Variants in PATJ observed in about 807,000 individuals in gnomAD.
PATJ encodes the protein PATJ crumbs cell polarity complex component.
In PATJ, 190 loss-of-function variants were observed where a neutral mutation model predicts 224.9. The ratio of observed to expected loss-of-function variants is 0.84; its 90% CI spans 0.75 to 0.95. The LOEUF (loss-of-function observed/expected upper bound fraction) is 0.95, where lower values mean the gene tolerates loss of function less well. PATJ is among the 40% of genes least tolerant of loss of function. PATJ has a pLI of 0.00. For missense variants in PATJ, 2,121 were observed against 2,270.3 expected (o/e 0.93, Z 1.34); for synonymous variants, 769 against 820.3 (o/e 0.94, Z 1.07).
intron 11 of PATJ, among the ~76,000 whole-genome samples, chr1:61,799,951 C>CTA (rs758142452): frequency 3.2e-4 from 48 of 151,894 alleles, no homozygotes; most frequent in Middle Eastern, 3.4e-3. Flanking sequence ...CTTTTTATGC[C>CTA]TATATATATA....
intron 27 of PATJ, among the ~76,000 whole-genome samples, chr1:61,954,701 T>A (rs572354551): frequency 3.9e-5 from 6 of 152,286 alleles, no homozygotes; most frequent in Non-Finnish European, 8.8e-5. Context: ...TATGTATTTT[T>A]TAAACAATTT....
intron 9 of PATJ, among the ~76,000 whole-genome samples, chr1:61,795,066 G>A (rs1650770088): frequency 6.9e-6 from 1 of 144,192 alleles, no homozygotes; most frequent in Admixed American, 7.1e-5. Flanking sequence ...AATATAGGCA[G>A]GAAGACCTAG....
chr1:61,833,042 T>C (rs1202397434), intron 16 of PATJ, among the ~76,000 whole-genome samples: 2 of 152,218 alleles, frequency 1.3e-5, no homozygotes, highest in African/African-American at 4.8e-5. Context: ...CTATTTCTTC[T>C]AAGATCAGAT....
In PATJ at chr1:61,894,265, A is replaced by ACAAAAC. The variant is rs1553194649; in HGVS notation, c.3132-5318_3132-5317insCAAAAC. On this transcript the variant is annotated intron_variant, in intron 22 of 43. Coordinates refer to ENST00000642238, the MANE Select transcript of PATJ (RefSeq NM_001350145.3). ...GCGAAACTCTATCTCATAAAAAAAA[A>ACAAAAC]AAAACACAAAAAAAAAACAGAGAAT... Among the ~76,000 whole-genome samples the ACAAAAC allele has an allele frequency of 4.6e-4, 61 of 131,360 alleles. No homozygotes were observed. In the East Asian group the frequency reaches 0.01, roughly 22 times the overall value. 86.2% of individuals were successfully genotyped at this position (131,360 alleles called of 152,430 possible).
chr1:61,991,406 A>T (rs1319134903), intron 28 of PATJ: 2 of 695,378 alleles, frequency 2.9e-6, no homozygotes, highest in African/African-American at 3.9e-5. Flanking sequence ...GAGCTAAATC[A>T]TGGAGACACT....
chr1:61,963,256 G>A lies in PATJ; in HGVS notation c.3671-26912G>A, dbSNP rs1571534100. On this transcript the variant is annotated intron_variant, in intron 27 of 43. Transcript: ENST00000642238. ...AGTTAGGCACGTATTTTGTATATGT[G>A]TTATATATATTCTTACAATAAAGTA... Among the ~76,000 whole-genome samples the A allele has an allele frequency of 2.0e-5, 3 of 152,258 alleles. No individual in the cohort carries two copies. The South Asian group carries it at 6.2e-4, about 32-fold the overall frequency.
intron 30 of PATJ, among the ~76,000 whole-genome samples, chr1:62,045,125 G>A (rs934203429): frequency 1.3e-5 from 2 of 152,112 alleles, no homozygotes; most frequent in African/African-American, 2.4e-5. Context: ...GGAGGCTGAG[G>A]CTGGAGAATC....
intron 1 of PATJ, among the ~76,000 whole-genome samples, chr1:61,759,552 G>A (rs1645844540): frequency 6.6e-6 from 1 of 151,900 alleles, no homozygotes; most frequent in Non-Finnish European, 1.5e-5. Context: ...TGGGATTATA[G>A]GCGTCTGCCA....
rs1644984485 is a variant in PATJ, at chr1:61,990,208, G to A, written c.3711G>A (p.Leu1237=). Residue 1237 remains leucine (L), a synonymous_variant, in exon 28 of 44, where the codon CTG becomes CTA. Coordinates refer to ENST00000642238, the MANE Select transcript of PATJ (RefSeq NM_001350145.3). ...GATATGCAGATCTGCCTGGAGAACTGCACATTATTGAACTTGAAAAAGATA... is the reference window on the plus strand; with the variant it reads ...GATATGCAGATCTGCCTGGAGAACTACACATTATTGAACTTGAAAAAGATA... ...RQRYADLPGE[L]HIIELEKDKN... The A allele has an allele frequency of 1.2e-6, 2 of 1,612,456 alleles. No homozygotes were observed. Among genetic ancestry groups the A allele is most frequent in the African/African-American group, 1.3e-5 (1 of 74,856 alleles).
intron 43 of PATJ, among the ~76,000 whole-genome samples, chr1:62,159,931 G>T (rs1445053776): frequency 6.6e-6 from 1 of 152,116 alleles, no homozygotes; most frequent in East Asian, 1.9e-4. Flanking sequence ...CAGCACCTCA[G>T]GACCTCCAAG....
intron 30 of PATJ, among the ~76,000 whole-genome samples, chr1:62,048,437 T>C (rs1455447884): frequency 1.3e-5 from 2 of 149,362 alleles, no homozygotes; most frequent in African/African-American, 2.5e-5. Flanking sequence ...TCCCAGCTAC[T>C]CGGGAGGCTG....
At chr1:61,931,650 C>T (rs916739955) in intron 27 of PATJ, among the ~76,000 whole-genome samples, 22 of 152,110 alleles carry the variant, frequency 1.4e-4, no homozygotes, top group African/African-American at 5.3e-4. Context: ...TATAGTCCCA[C>T]CCACTTGGAA....
At chr1:62,028,388 C>A (rs1264040687) in intron 29 of PATJ, among the ~76,000 whole-genome samples, 1 of 152,136 alleles carries the variant, frequency 6.6e-6, no homozygotes, top group East Asian at 1.9e-4. Context: ...AGACTTCATT[C>A]TTTTACATGT....
At chr1:61,765,454 G>A (rs1025973365) in intron 3 of PATJ, among the ~76,000 whole-genome samples, 8 of 151,668 alleles carry the variant, frequency 5.3e-5, no homozygotes, top group Admixed American at 2.0e-4. Flanking sequence ...TGCAATCTCG[G>A]CTCACTGTAG....
intron 29 of PATJ, among the ~76,000 whole-genome samples, chr1:62,037,276 A>G (rs1402269484): frequency 6.6e-6 from 1 of 152,182 alleles, no homozygotes; most frequent in African/African-American, 2.4e-5. Context: ...ATTATCTCCC[A>G]CAGACCACTG....
At chr1:62,005,175 A>G (rs1240367130) in intron 28 of PATJ, among the ~76,000 whole-genome samples, 2 of 151,134 alleles carry the variant, frequency 1.3e-5, no homozygotes, top group African/African-American at 4.9e-5. Flanking sequence ...TTCACCTGTC[A>G]CCCAGGTTGG....
chr1:61,819,487 G>A (rs929958330), intron 14 of PATJ, among the ~76,000 whole-genome samples: 2 of 152,044 alleles, frequency 1.3e-5, no homozygotes, highest in Non-Finnish European at 2.9e-5. Context: ...CCAGCTCATA[G>A]CCCAATGCCT....
chr1:61,796,679 T>TTTCTTTCTTTCTTTCTTTC (rs1651220752), intron 10 of PATJ, among the ~76,000 whole-genome samples: 1 of 21,650 alleles, frequency 4.6e-5, no homozygotes. Context: ...TCTTTCTTTC[T>TTTCTTTCTTTCTTTCTTTC]TTCTTTCTTT....
In PATJ at chr1:62,160,891, A is replaced by G; in HGVS notation, c.5503-17A>G. 6.2e-7 allele frequency: 1 copy of G among 1,613,226 alleles called. No individual in the cohort carries two copies. ...GTGTTTTACCCTGGATTAAACTGAA[A>G]TGTTTCTTGTTTGTAGGGAGCAGCT... On this transcript the variant is annotated splice_polypyrimidine_tract_variant and intron_variant, in intron 43 of 43. Coordinates refer to ENST00000642238, the MANE Select transcript of PATJ (RefSeq NM_001350145.3).
Sources: allele counts gnomAD v4.1 joint callset (sites outside exome capture counted in the v4.1 genomes callset), GRCh38; gene constraint gnomAD v4.1.1; transcripts MANE v1.5; gene names NCBI Gene and HGNC (gene_info 2026-07-23, HGNC 2026-07-21).